The following PRSS55 variants were observed in gnomAD, a reference collection of about 807,000 sequenced individuals.
PRSS55 encodes probable serine protease UNQ9391/PRO34284.
A neutral mutation model predicts 23.6 loss-of-function variants in PRSS55; 41 were observed. The observed-to-expected ratio is 1.74, with a 90% CI of 1.35 to 2.26. The LOEUF (loss-of-function observed/expected upper bound fraction) is 2.26, where lower values mean the gene tolerates loss of function less well. Ranked by LOEUF, PRSS55 falls within the 30% of genes most tolerant of loss-of-function variation. PRSS55 has a pLI of 0.00. For missense variants in PRSS55, 669 were observed against 439.1 expected (o/e 1.52, Z -4.68); for synonymous variants, 262 against 175.5 (o/e 1.49, Z -3.90).
chr8:10,531,826 C>G (rs1431501887), intron 3 of PRSS55: 7 of 452,994 alleles, frequency 1.5e-5, no homozygotes, highest in East Asian at 4.0e-5. Context: ...AGAGGCCCCT[C>G]TACTCTGTAT....
intron 1 of PRSS55, among the ~76,000 whole-genome samples, chr8:10,527,056 G>A (rs1189791093): frequency 1.3e-5 from 2 of 152,148 alleles, no homozygotes; most frequent in African/African-American, 4.8e-5. Flanking sequence ...CACTCGGCAT[G>A]TTCATGTACT....
intron 1 of PRSS55, among the ~76,000 whole-genome samples, chr8:10,528,330 C>T (rs966415671): frequency 3.3e-5 from 5 of 152,164 alleles, no homozygotes; most frequent in African/African-American, 1.2e-4. Context: ...ACAGGGTCAC[C>T]CAAACAACAA....
At chr8:10,542,100 G>C (rs146094037), downstream of PRSS55, among the ~76,000 whole-genome samples, 140 of 152,284 alleles carry the variant, frequency 9.2e-4, no homozygotes, top group African/African-American at 3.3e-3. Flanking sequence ...TGAAAGCAAC[G>C]TTTTGTCATG....
At chr8:10,546,507 T>A (rs1398053124) in intron 4 of PRSS55, among the ~76,000 whole-genome samples, 1 of 152,100 alleles carries the variant, frequency 6.6e-6, no homozygotes, top group Non-Finnish European at 1.5e-5. Context: ...GCATCCAGCA[T>A]CCGAAAACTG....
chr8:10,537,671 C>G (rs1052100659), intron 4 of PRSS55, among the ~76,000 whole-genome samples: 1 of 152,186 alleles, frequency 6.6e-6, no homozygotes, highest in Non-Finnish European at 1.5e-5. Flanking sequence ...GATTTAATTA[C>G]TGCACATTGT....
chr8:10,540,220 G>A (rs1486744176), downstream of PRSS55: 1 of 152,320 alleles, frequency 6.6e-6, no homozygotes, highest in Non-Finnish European at 1.5e-5. Flanking sequence ...TTCACAAGAA[G>A]TCCCTCGAGA....
chr8:10,537,439 T>C (rs1012505577), intron 4 of PRSS55, among the ~76,000 whole-genome samples: 2 of 151,994 alleles, frequency 1.3e-5, no homozygotes, highest in Non-Finnish European at 2.9e-5. Flanking sequence ...AGATAAAGAA[T>C]GATGGTTACC....
chr8:10,543,337 C>T (rs1306536786), downstream of PRSS55, among the ~76,000 whole-genome samples: 1 of 152,184 alleles, frequency 6.6e-6, no homozygotes, highest in Non-Finnish European at 1.5e-5. Context: ...ATGAAGACAT[C>T]ACATCCTGGT....
In PRSS55 at chr8:10,525,593, T is replaced by A. The variant is rs1811984814; in HGVS notation, c.8T>A (p.Leu3Gln). The change falls in exon 1 of 5, where the codon CTG becomes CAG. Residue 3 changes from leucine (L) to glutamine (Q), a missense_variant. Physicochemically the swap from Leu to Gln is moderately radical, Grantham distance 113 (BLOSUM62 -2). Coordinates refer to ENST00000328655, the MANE Select transcript of PRSS55 (RefSeq NM_198464.4). ...ACAGCACAGCCCAGGGCCATGCTCCTGTTCTCAGTGTTGCTGCTCCTGTCC... is the reference window on the plus strand; with the variant it reads ...ACAGCACAGCCCAGGGCCATGCTCCAGTTCTCAGTGTTGCTGCTCCTGTCC... ML[L>Q]FSVLLLLSLV... The A allele has an allele frequency of 1.2e-6, 2 of 1,614,028 alleles. No homozygotes were observed. Among genetic ancestry groups the A allele is most frequent in the Non-Finnish European group, 8.5e-7 (1 of 1,179,960 alleles).
chr8:10,532,325 AG>A (rs1176962049), intron 3 of PRSS55, among the ~76,000 whole-genome samples: 1 of 152,144 alleles, frequency 6.6e-6, no homozygotes, highest in Non-Finnish European at 1.5e-5. Context: ...ATCTTCAATC[AG>A]GGGAAGAAAT....
exon 5 of PRSS55, chr8:10,554,095 C>A: frequency 9.4e-7 from 1 of 1,068,632 alleles, no homozygotes; most frequent in Non-Finnish European, 1.3e-6. Flanking sequence ...TTGGGCATAG[C>A]CTTGAGTTGA....
chr8:10,535,999 A>C (rs1812440317), intron 4 of PRSS55, among the ~76,000 whole-genome samples: 2 of 152,228 alleles, frequency 1.3e-5, no homozygotes, highest in African/African-American at 4.8e-5. Context: ...ATCCTGGCTA[A>C]CACGGTGAAA....
At chr8:10,544,296 TTTTG>T (rs1029770056) in intron 4 of PRSS55, among the ~76,000 whole-genome samples, 90 of 152,320 alleles carry the variant, frequency 5.9e-4, no homozygotes, top group African/African-American at 1.5e-3. Flanking sequence ...CTAATGAATT[TTTTG>T]TTTTACAGTC....
At chr8:10,548,830 T>C (rs1181399630) in intron 4 of PRSS55, among the ~76,000 whole-genome samples, 3 of 152,006 alleles carry the variant, frequency 2.0e-5, no homozygotes, top group African/African-American at 7.2e-5. Context: ...TATTAAAGCA[T>C]CTCCCGTGTG....
At chr8:10,529,073 G>GC (rs1812146793) in intron 1 of PRSS55, among the ~76,000 whole-genome samples, 1 of 152,280 alleles carries the variant, frequency 6.6e-6, no homozygotes, top group South Asian at 2.1e-4. Context: ...CATCTCCAAA[G>GC]CCCCCCTTTC....
downstream of PRSS55, chr8:10,538,956 G>C (rs1428516983): frequency 5.0e-6 from 3 of 600,982 alleles, no homozygotes; most frequent in Non-Finnish European, 8.2e-6. Context: ...TGCACTTTGG[G>C]TCTGTGGATT....
At position 10,531,536 on chromosome 8, in the gene PRSS55, A is replaced by G; in HGVS notation, c.589A>G (p.Thr197Ala). 6.2e-7 allele frequency: 1 copy of G among 1,613,576 alleles called. No individual in the cohort carries two copies. Residue 197 changes from threonine (T) to alanine (A), a missense_variant, in exon 3 of 5, where the codon ACC becomes GCC. By Grantham distance (58) the Thr-to-Ala change is moderately conservative. Transcript: ENST00000328655. ...ATGCTGGGTGGCAGGTTGGGGCCAG[A>G]CCAATGCTGGTATGTGACTGCTCAG... ...RECWVAGWGQ[T>A]NAADKNSVKT...
intron 4 of PRSS55, among the ~76,000 whole-genome samples, chr8:10,545,823 C>A (rs985867484): frequency 1.3e-5 from 2 of 152,242 alleles, no homozygotes; most frequent in Non-Finnish European, 2.9e-5. Context: ...TGTTGCTCTG[C>A]AATGCAAAGT....
In PRSS55 at chr8:10,531,273, C is replaced by G. The variant is rs201297393; in HGVS notation, c.348-22C>G. 42 of 1,611,558 alleles carry G rather than the reference C, an allele frequency of 2.6e-5. No individual in the cohort carries two copies. The East Asian group carries it at 7.6e-4, about 29-fold the overall frequency. On this transcript the variant is annotated intron_variant, in intron 2 of 4. Transcript: ENST00000328655. ...ACTTCCCTTCCCCTTCCACTTGCCC[C>G]TCTCTGGTTCTCTGCCACCAGTCCA...
Sources: gnomAD v4.1 joint callset for allele counts (sites outside exome capture counted in the v4.1 genomes callset) on GRCh38, gnomAD v4.1.1 for gene constraint, MANE v1.5 for transcripts, NCBI Gene and HGNC (gene_info 2026-07-23, HGNC 2026-07-21) for gene names.